Variants in PHYH observed in about 807,000 individuals in gnomAD.
The protein encoded by PHYH is phytanoyl-CoA dioxygenase, peroxisomal.
Under a neutral mutation model 38.5 loss-of-function variants are expected in PHYH, and 32 were observed. The observed-to-expected ratio is 0.83, with a 90% CI of 0.63 to 1.12. PHYH has a LOEUF of 1.12. PHYH is among the 50% of genes most tolerant of loss of function. The pLI is 0.00. For synonymous variants in PHYH, 166 were observed against 157.9 expected (o/e 1.05, Z -0.38); for missense variants, 426 against 434.8 (o/e 0.98, Z 0.18).
At chr10:13,292,401 A>G (rs961213335) in intron 4 of PHYH, among the ~76,000 whole-genome samples, 1 of 152,210 alleles carries the variant, frequency 6.6e-6, no homozygotes, top group Non-Finnish European at 1.5e-5. Context: ...GGGAACCAGG[A>G]GGTGACGGGA....
At chr10:13,290,188 A>G (rs2131643558) in intron 5 of PHYH, among the ~76,000 whole-genome samples, 1 of 149,574 alleles carries the variant, frequency 6.7e-6, no homozygotes, top group Middle Eastern at 3.5e-3. Context: ...CCAGCTATTC[A>G]GGAGGATGAG....
chr10:13,295,301 C>T lies in PHYH; in HGVS notation c.245+195G>A, dbSNP rs528919272. 4.9e-4 allele frequency: 280 copies of T among 569,556 alleles called. 5 individuals are homozygous for T. In the South Asian group the frequency reaches 5.5e-3, roughly 11 times the overall value. The allele number at this position is 569,556 out of a possible 1,614,324, so 35.3% of individuals were successfully genotyped here. ...CTATGATCGCACCACTGCACTCAGCCTACACAACAGAGTGAGAACCTTTCT... is the reference window on the plus strand; with the variant it reads ...CTATGATCGCACCACTGCACTCAGCTTACACAACAGAGTGAGAACCTTTCT... On this transcript the variant is annotated intron_variant, in intron 3 of 8. Coordinates refer to ENST00000263038, the MANE Select transcript of PHYH (RefSeq NM_006214.4).
At chr10:13,299,368 C>G in intron 1 of PHYH, 3 of 931,884 alleles carry the variant, frequency 3.2e-6, no homozygotes, top group Non-Finnish European at 3.9e-6. Context: ...GCCTTGGCCC[C>G]CAGAAGAGCC....
chr10:13,299,641 T>C (rs1348308760), intron 1 of PHYH: 1 of 1,155,066 alleles, frequency 8.7e-7, no homozygotes. Context: ...TCTGGGTCTC[T>C]GGACAGCTGC....
chr10:13,287,594 C>G (rs894411135), intron 6 of PHYH, among the ~76,000 whole-genome samples: 38 of 152,110 alleles, frequency 2.5e-4, no homozygotes, highest in African/African-American at 8.9e-4. Context: ...TCAGGCTTGC[C>G]CTTGACCTTG....
intron 6 of PHYH, among the ~76,000 whole-genome samples, chr10:13,286,711 A>C (rs1292993375): frequency 6.6e-6 from 1 of 151,846 alleles, no homozygotes; most frequent in African/African-American, 2.4e-5. Context: ...AAAAAAAAAA[A>C]AAAAACAACA....
chr10:13,299,979 C>G lies in PHYH; in HGVS notation c.64G>C (p.Ala22Pro). The G allele has an allele frequency of 6.5e-7, 1 of 1,531,180 alleles. No homozygotes were observed. 94.8% of individuals were successfully genotyped at this position (1,531,180 alleles called of 1,614,324 possible). Residue 22 changes from alanine to proline, a missense_variant, in exon 1 of 9, where the codon GCC becomes CCC. By Grantham distance (27) the Ala-to-Pro change is conservative. Coordinates refer to ENST00000263038, the MANE Select transcript of PHYH (RefSeq NM_006214.4). Reference protein sequence around the residue: ...IVLGHLGRPSAGAVVAHPTSG... With the variant: ...IVLGHLGRPSPGAVVAHPTSG... ...AGCCCAAAGGATACGACAGCCCCGG[C>G]CGAGGGGCGGCCGAGGTGGCCCAGA...
At chr10:13,280,615 G>C (rs1436438594) in intron 8 of PHYH, among the ~76,000 whole-genome samples, 2 of 152,162 alleles carry the variant, frequency 1.3e-5, no homozygotes, top group African/African-American at 4.8e-5. Context: ...CAAAGTGTTG[G>C]GATTTACAGG....
intron 5 of PHYH, among the ~76,000 whole-genome samples, chr10:13,291,100 A>G (rs597696): frequency 0.83 from 109,781 of 132,064 alleles, 45,794 homozygotes; most frequent in East Asian, 0.98. Context: ...GCAAAACTCC[A>G]TCTCAAAAAA....
rs148602565 is a variant in PHYH at position 13,288,439 on chromosome 10, C to T, written c.599G>A (p.Ser200Asn). 2.4e-5 allele frequency: 39 copies of T among 1,614,102 alleles called. No individual in the cohort carries two copies. Among genetic ancestry groups the T allele is most frequent in the Non-Finnish European group, 3.3e-5 (39 of 1,180,046 alleles). ...VCAWTAMEHI[S>N]RNNGCLVVLP... Reference sequence around the variant, plus strand: ...CACAACCAGACAGCCGTTGTTCCGGCTGATGTGCTCCATCGCCGTCCAGGC... The same window carrying T: ...CACAACCAGACAGCCGTTGTTCCGGTTGATGTGCTCCATCGCCGTCCAGGC... Residue 200 changes from serine (S) to asparagine (N), a missense_variant, in exon 6 of 9, where the codon AGC becomes AAC. Coordinates refer to ENST00000263038, the MANE Select transcript of PHYH (RefSeq NM_006214.4).
chr10:13,288,088 G>A (rs1387960907), intron 6 of PHYH, among the ~76,000 whole-genome samples: 1 of 152,230 alleles, frequency 6.6e-6, no homozygotes, highest in Non-Finnish European at 1.5e-5. Context: ...ACTGAGGCGG[G>A]AGGATGGCTT....
chr10:13,280,692 G>A (rs1213276239), intron 8 of PHYH, among the ~76,000 whole-genome samples: 1 of 152,036 alleles, frequency 6.6e-6, no homozygotes, highest in Non-Finnish European at 1.5e-5. Context: ...TCAATCTGTA[G>A]TTTTGTTTTC....
chr10:13,292,552 G>C (rs1002635181), intron 4 of PHYH, among the ~76,000 whole-genome samples: 1 of 152,196 alleles, frequency 6.6e-6, no homozygotes, highest in Non-Finnish European at 1.5e-5. Context: ...GTGACAGGGA[G>C]AGCTGGTTTA....
At chr10:13,290,402 G>C (rs1353867799) in intron 5 of PHYH, among the ~76,000 whole-genome samples, 1 of 152,164 alleles carries the variant, frequency 6.6e-6, no homozygotes, top group African/African-American at 2.4e-5. Flanking sequence ...ATTTTCCCCT[G>C]GTTTGCTCCC....
chr10:13,283,287 G>T (rs1445753284), intron 7 of PHYH, among the ~76,000 whole-genome samples: 2 of 151,886 alleles, frequency 1.3e-5, no homozygotes, highest in South Asian at 2.1e-4. Context: ...CCGCCACCTC[G>T]CCCAGCTAAT....
In PHYH at chr10:13,278,581, C is replaced by A. The variant is rs560727266; in HGVS notation, c.964-227G>T. Among the ~76,000 whole-genome samples the A allele has an allele frequency of 2.6e-5, 4 of 152,282 alleles. No individual in the cohort carries two copies. The South Asian group carries it at 8.3e-4, about 32-fold the overall frequency. On this transcript the variant is annotated intron_variant, in intron 8 of 8. Transcript: ENST00000263038. ...TGGGGACACAGTCTCACCCCATTGC[C>A]CAGGCTGGAGTGCAGCGGCTCACTG...
intron 6 of PHYH, 108 bp from the exon 7 acceptor site, chr10:13,283,947 TC>T: frequency 1.1e-6 from 1 of 939,416 alleles, no homozygotes; most frequent in Middle Eastern, 2.1e-4. Flanking sequence ...AGCATTTCTC[TC>T]TCCCAAGAGA....
chr10:13,296,647 A>T (rs1835860300), intron 2 of PHYH, among the ~76,000 whole-genome samples: 1 of 151,564 alleles, frequency 6.6e-6, no homozygotes, highest in Non-Finnish European at 1.5e-5. Flanking sequence ...TATGACTCAG[A>T]CATTAAAAAT....
intron 2 of PHYH, among the ~76,000 whole-genome samples, chr10:13,297,055 A>G (rs1475207291): frequency 6.6e-6 from 1 of 152,028 alleles, no homozygotes; most frequent in Admixed American, 6.5e-5. Context: ...CCAAGACACT[A>G]TATGAAAAAA....
Sources: allele counts gnomAD v4.1 joint callset (sites outside exome capture counted in the v4.1 genomes callset), GRCh38; gene constraint gnomAD v4.1.1; transcripts MANE v1.5; gene names NCBI Gene and HGNC (gene_info 2026-07-23, HGNC 2026-07-21).